DNAAF1: variants seen among roughly 807,000 people sequenced by gnomAD.
DNAAF1 encodes dynein assembly factor 1, axonemal.
DNAAF1 carries 65 observed loss-of-function variants against 71.1 expected under a neutral mutation model. The observed-to-expected ratio is 0.91, with a 90% CI of 0.75 to 1.12. The LOEUF (loss-of-function observed/expected upper bound fraction) is 1.12, where lower values mean the gene tolerates loss of function less well. DNAAF1 is among the 50% of genes most tolerant of loss of function. DNAAF1 has a pLI of 0.00. For synonymous variants in DNAAF1, 414 were observed against 354.6 expected (o/e 1.17, Z -1.88); for missense variants, 1,178 against 899.8 (o/e 1.31, Z -3.96).
chr16:84,150,446 T>G, intron 3 of DNAAF1, 104 bp downstream of exon 3: 1 of 878,200 alleles, frequency 1.1e-6, no homozygotes, highest in East Asian at 2.6e-5. Context: ...AGAATGTATC[T>G]AAGCAGGAAA....
intron 2 of DNAAF1, among the ~76,000 whole-genome samples, chr16:84,149,678 G>A (rs2087090037): frequency 8.0e-6 from 1 of 124,240 alleles, no homozygotes; most frequent in Non-Finnish European, 1.6e-5. Context: ...GCGGCAGAGT[G>A]AGACTCCATC....
chr16:84,156,416 T>C (rs1597425415), intron 5 of DNAAF1, among the ~76,000 whole-genome samples: 1 of 152,226 alleles, frequency 6.6e-6, no homozygotes, highest in Non-Finnish European at 1.5e-5. Context: ...GGCTGGATGG[T>C]ATCCAGGCTC....
rs1294798054 is a variant in DNAAF1, at chr16:84,159,155, CG to C, written c.742-516del. Reference sequence around the variant, plus strand: ...CCTCCTCCCTGGTCCTAAGTGACAGCGGGGAGAGCTGTAAGCCGAGGAAGAA... The same window carrying C: ...CCTCCTCCCTGGTCCTAAGTGACAGCGGGAGAGCTGTAAGCCGAGGAAGAA... On this transcript the variant is annotated intron_variant, in intron 5 of 11. Coordinates refer to ENST00000378553, the MANE Select transcript of DNAAF1 (RefSeq NM_178452.6). The C allele has an allele frequency of 3.0e-6, 3 of 995,672 alleles. No homozygotes were observed. The African/African-American group carries it at 5.2e-5, about 17-fold the overall frequency. The allele number at this position is 995,672 out of a possible 1,614,324, so 61.7% of individuals were successfully genotyped here.
intron 7 of DNAAF1, 158 bp downstream of exon 7, chr16:84,166,107 G>T: frequency 2.0e-6 from 2 of 1,024,144 alleles, no homozygotes; most frequent in Non-Finnish European, 1.4e-6. Flanking sequence ...AAGTTGGAGT[G>T]CAGCAGTGTG....
At chr16:84,165,563 T>C (rs1030030659) in intron 6 of DNAAF1, among the ~76,000 whole-genome samples, 5 of 152,166 alleles carry the variant, frequency 3.3e-5, no homozygotes, top group Non-Finnish European at 7.3e-5. Context: ...CCGATTTCTC[T>C]ATTTTTTCTC....
At chr16:84,159,942 C>A in intron 6 of DNAAF1, 146 bp downstream of exon 6, 1 of 884,754 alleles carries the variant, frequency 1.1e-6, no homozygotes, top group Non-Finnish European at 1.7e-6. Flanking sequence ...ACATAATTGA[C>A]TATAATGGGA....
chr16:84,148,596 C>CTCTCTCTCTTTTTTTTTT, intron 1 of DNAAF1, among the ~76,000 whole-genome samples: 8 of 43,576 alleles, frequency 1.8e-4, no homozygotes, highest in African/African-American at 6.4e-4. Flanking sequence ...CTCTCTCTCT[C>CTCTCTCTCTTTTTTTTTT]TTTTTTTTTT....
intron 4 of DNAAF1, among the ~76,000 whole-genome samples, chr16:84,155,331 C>A (rs1034836030): frequency 6.6e-6 from 1 of 152,160 alleles, no homozygotes; most frequent in Admixed American, 6.5e-5. Context: ...TGGTCTCAAG[C>A]GATCCTCCCA....
chr16:84,177,578 C>G (rs1378202513), intron 11 of DNAAF1, 151 bp from the exon 12 acceptor site: 3 of 698,864 alleles, frequency 4.3e-6, no homozygotes, highest in Admixed American at 1.9e-5. Flanking sequence ...ATCTGTTTGC[C>G]TCGGCCTCCC....
rs1393276298 is a variant in DNAAF1 at position 84,165,958 on chromosome 16, T to A, written c.1030+9T>A. 1 of 1,609,984 alleles carries A rather than the reference T, an allele frequency of 6.2e-7. No homozygotes were observed. The highest frequency in any genetic ancestry group is 1.1e-5 in the South Asian group (1 of 90,984). On this transcript the variant is annotated intron_variant, in intron 7 of 11. Transcript: ENST00000378553. The stretch of plus-strand genomic sequence containing the variant: ...AGAGAGTCAAGAGAGAGGTATGCGC[T>A]CGGCCGAAGACAACAGCCCCAGAGT...
At chr16:84,153,160 C>T (rs920946675) in intron 3 of DNAAF1, among the ~76,000 whole-genome samples, 1 of 152,192 alleles carries the variant, frequency 6.6e-6, no homozygotes, top group Admixed American at 6.5e-5. Flanking sequence ...AAAAAAAATC[C>T]TATCTTTTAT....
chr16:84,154,526 C>T lies in DNAAF1; in HGVS notation c.353-51C>T, dbSNP rs559515548. 9 of 1,543,196 alleles carry T rather than the reference C, an allele frequency of 5.8e-6. No individual in the cohort carries two copies. The African/African-American group carries it at 8.2e-5, about 14-fold the overall frequency. ...GGCAAAAACAAGGGTGACCGTGACC[C>T]CTCTGCCCTGGGAGTAGGAGCTTAA... On this transcript the variant is annotated intron_variant, in intron 3 of 11. Coordinates refer to ENST00000378553, the MANE Select transcript of DNAAF1 (RefSeq NM_178452.6).
chr16:84,163,117 A>C (rs1387309737), intron 6 of DNAAF1, among the ~76,000 whole-genome samples: 3 of 152,164 alleles, frequency 2.0e-5, no homozygotes, highest in African/African-American at 7.2e-5. Flanking sequence ...TTCAGAAATT[A>C]GGGTTGTTTT....
intron 1 of DNAAF1, 44 bp downstream of exon 1, chr16:84,145,608 A>T: frequency 6.5e-7 from 1 of 1,537,538 alleles, no homozygotes; most frequent in South Asian, 1.2e-5. Flanking sequence ...AGGGGCAGAC[A>T]CGGCTAGGCG....
At chr16:84,151,997 G>A (rs1264471441) in intron 3 of DNAAF1, among the ~76,000 whole-genome samples, 3 of 152,252 alleles carry the variant, frequency 2.0e-5, no homozygotes, top group Non-Finnish European at 4.4e-5. Context: ...TCGCTAACAT[G>A]AAGGCATTGA....
At chr16:84,170,627 A>G (rs1421980028) in intron 8 of DNAAF1, among the ~76,000 whole-genome samples, 2 of 149,156 alleles carry the variant, frequency 1.3e-5, no homozygotes, top group African/African-American at 2.4e-5. Flanking sequence ...TGAGGCCAGG[A>G]GTTTCAGACC....
At chr16:84,152,348 C>T (rs926193993) in intron 3 of DNAAF1, among the ~76,000 whole-genome samples, 1 of 152,190 alleles carries the variant, frequency 6.6e-6, no homozygotes, top group Non-Finnish European at 1.5e-5. Flanking sequence ...CATACACACA[C>T]TCTTAGGTTA....
At chr16:84,151,461 A>G (rs1456075811) in intron 3 of DNAAF1, among the ~76,000 whole-genome samples, 1 of 152,178 alleles carries the variant, frequency 6.6e-6, no homozygotes, top group Non-Finnish European at 1.5e-5. Context: ...GCAGTGAGTA[A>G]GATGATGTAG....
chr16:84,145,660 C>A, intron 1 of DNAAF1, 96 bp downstream of exon 1: 1 of 1,378,522 alleles, frequency 7.3e-7, no homozygotes, highest in Non-Finnish European at 9.8e-7. Context: ...TCTTCACAGC[C>A]AAATAATAAC....
Sources: allele counts gnomAD v4.1 joint callset (sites outside exome capture counted in the v4.1 genomes callset), GRCh38; gene constraint gnomAD v4.1.1; transcripts MANE v1.5; gene names NCBI Gene and HGNC (gene_info 2026-07-23, HGNC 2026-07-21).